The following UPP2 variants were observed in gnomAD, a reference collection of about 807,000 sequenced individuals.
UPP2 encodes the protein uridine phosphorylase 2, also known as UPase 2.
A neutral mutation model predicts 26.7 loss-of-function variants in UPP2; 23 were observed. That is an observed-to-expected ratio of 0.86 (90% CI 0.62 to 1.22). The LOEUF is 1.22. Among genes scored for constraint, UPP2 ranks in the 50% most tolerant of loss-of-function variants. The pLI, the probability that UPP2 is intolerant of heterozygous loss-of-function variation, is 0.00. For synonymous variants in UPP2, 127 were observed against 141.3 expected (o/e 0.90, Z 0.72); for missense variants, 387 against 396.7 (o/e 0.98, Z 0.21).
chr2:158,085,065 T>C (rs1256647708), intron 3 of UPP2, among the ~76,000 whole-genome samples: 1 of 152,054 alleles, frequency 6.6e-6, no homozygotes, highest in Non-Finnish European at 1.5e-5. Flanking sequence ...TGCAATGAGT[T>C]TGAAGATTGC....
At chr2:158,007,242 C>T (rs962387061) in intron 2 of UPP2, among the ~76,000 whole-genome samples, 28 of 152,156 alleles carry the variant, frequency 1.8e-4, no homozygotes, top group African/African-American at 6.0e-4. Flanking sequence ...ACTCAGTTGA[C>T]AAGTGAAAAA....
rs1046395476 is a variant in UPP2 at position 158,046,038 on chromosome 2, A to G, written c.147+30152A>G. ...CCCTATAGCCCCAGACATCACATTG[A>G]CAGAGAAGGAAAAGAAATAAGATTC... is the stretch of plus-strand genomic sequence containing the variant. On this transcript the variant is annotated intron_variant, in intron 3 of 9. Transcript: ENST00000605860. Among the ~76,000 whole-genome samples the G allele has an allele frequency of 8.5e-5, 13 of 152,344 alleles. No individual in the cohort carries two copies. In the South Asian group the frequency reaches 1.9e-3, roughly 22 times the overall value.
At chr2:158,024,428 T>G (rs1171275443) in intron 3 of UPP2, among the ~76,000 whole-genome samples, 1 of 152,194 alleles carries the variant, frequency 6.6e-6, no homozygotes, top group Admixed American at 6.5e-5. Context: ...GTCATTTAAT[T>G]TAATTAGCAG....
chr2:158,058,359 G>C (rs1489873591), intron 3 of UPP2, among the ~76,000 whole-genome samples: 1 of 86,010 alleles, frequency 1.2e-5, no homozygotes, highest in African/African-American at 5.8e-5. Context: ...GGGAGCAAGG[G>C]AGCATGCTTG....
At chr2:158,081,354 T>C (rs901469035) in intron 3 of UPP2, among the ~76,000 whole-genome samples, 5 of 152,162 alleles carry the variant, frequency 3.3e-5, no homozygotes, top group Admixed American at 6.6e-5. Context: ...AGTTAAAACA[T>C]TTTTTTCTAT....
chr2:158,096,201 T>G (rs374782471), intron 3 of UPP2, among the ~76,000 whole-genome samples: 4 of 152,184 alleles, frequency 2.6e-5, no homozygotes, highest in African/African-American at 9.7e-5. Flanking sequence ...AGGCTCGTGA[T>G]AAGAAAGGCC....
chr2:158,052,483 C>T (rs960722704), intron 3 of UPP2, among the ~76,000 whole-genome samples: 11 of 152,136 alleles, frequency 7.2e-5, no homozygotes, highest in Admixed American at 3.9e-4. Flanking sequence ...TGGAGTAAGG[C>T]CTACCATTCT....
intron 3 of UPP2, among the ~76,000 whole-genome samples, chr2:158,062,479 T>C (rs946698078): frequency 1.1e-4 from 17 of 151,664 alleles, no homozygotes; most frequent in African/African-American, 4.1e-4. Context: ...TAACCAGGGG[T>C]TTGCATCTTT....
chr2:158,073,935 G>A (rs1682585053), intron 3 of UPP2, among the ~76,000 whole-genome samples: 1 of 152,204 alleles, frequency 6.6e-6, no homozygotes, highest in Non-Finnish European at 1.5e-5. Context: ...AGCATTTTGG[G>A]AGACCAGTGC....
At chr2:158,058,628 A>AT (rs113563286) in intron 3 of UPP2, among the ~76,000 whole-genome samples, 1,800 of 151,930 alleles carry the variant, frequency 0.012, 31 homozygotes, top group Middle Eastern at 0.037. Context: ...AGTCTGTGGT[A>AT]TTTTTTTTAA....
intron 3 of UPP2, among the ~76,000 whole-genome samples, chr2:158,038,313 T>C (rs1427629492): frequency 1.3e-5 from 2 of 152,214 alleles, no homozygotes; most frequent in African/African-American, 4.8e-5. Flanking sequence ...TAAAGTGATG[T>C]GAGGCTGATT....
intron 3 of UPP2, among the ~76,000 whole-genome samples, chr2:158,090,943 T>G (rs1363861054): frequency 6.6e-6 from 1 of 152,064 alleles, no homozygotes; most frequent in Non-Finnish European, 1.5e-5. Context: ...AAGCCAAAAC[T>G]GGGAAACTCT....
intron 3 of UPP2, among the ~76,000 whole-genome samples, chr2:158,095,403 G>A (rs1197454757): frequency 6.6e-6 from 1 of 152,150 alleles, no homozygotes; most frequent in Non-Finnish European, 1.5e-5. Flanking sequence ...GTGGCAGAGA[G>A]ATGTTCCTTA....
At chr2:158,039,414 G>A (rs898782274) in intron 3 of UPP2, among the ~76,000 whole-genome samples, 1 of 152,188 alleles carries the variant, frequency 6.6e-6, no homozygotes, top group East Asian at 1.9e-4. Flanking sequence ...CTAAGTATCA[G>A]GCACTGTAGT....
intron 2 of UPP2, among the ~76,000 whole-genome samples, chr2:157,999,057 A>G (rs1683365643): frequency 1.3e-5 from 2 of 152,142 alleles, no homozygotes; most frequent in African/African-American, 4.8e-5. Flanking sequence ...AGTAGTTTCT[A>G]TTGACATGTC....
intron 2 of UPP2, among the ~76,000 whole-genome samples, chr2:158,014,837 A>G (rs1683635316): frequency 1.3e-5 from 2 of 152,200 alleles, no homozygotes; most frequent in Non-Finnish European, 2.9e-5. Flanking sequence ...GGTTCTAAGC[A>G]ACTCTTGAAT....
At chr2:158,004,551 AC>A (rs781632438) in intron 2 of UPP2, among the ~76,000 whole-genome samples, 4 of 152,342 alleles carry the variant, frequency 2.6e-5, no homozygotes, top group Non-Finnish European at 4.4e-5. Context: ...GTCTGCTGCG[AC>A]CAGTCACTAT....
Position 158,123,830 on chromosome 2 carries a change from G to A in UPP2, c.746G>A (p.Gly249Asp), listed in dbSNP as rs1313001761. ...TACTTGAAGAGAGCATTTAAAGCTG[G>A]TGTCAGGAATATTGAAATGGAATCT... is the stretch of plus-strand genomic sequence containing the variant. Reference protein sequence around the residue: ...LDYLKRAFKAGVRNIEMESTV... With the variant: ...LDYLKRAFKADVRNIEMESTV... The change falls in exon 6 of 7, where the codon GGT (glycine) becomes GAT (aspartate). Residue 249 changes from glycine (G) to aspartate (D), a missense_variant. Physicochemically the swap from Gly to Asp is moderately conservative, Grantham distance 94. Coordinates refer to ENST00000005756, the MANE Select transcript of UPP2 (RefSeq NM_173355.4). The A allele has an allele frequency of 2.5e-6, 4 of 1,614,092 alleles. No homozygotes were observed. Among genetic ancestry groups the A allele is most frequent in the Non-Finnish European group, 2.5e-6 (3 of 1,179,946 alleles).
Position 158,134,994 on chromosome 2 carries a change from C to A in UPP2, c.*104C>A. 7.6e-7 allele frequency: 1 copy of A among 1,309,118 alleles called. No homozygotes were observed. 81.1% of individuals were successfully genotyped at this position (1,309,118 alleles called of 1,614,324 possible). ...GGCATTTTTATATAGTTCTCATCCA[C>A]ATGCTAAATGGAAAGACTTTATGAA... On this transcript the variant is annotated 3_prime_UTR_variant, in exon 7 of 7. Coordinates refer to ENST00000005756, the MANE Select transcript of UPP2 (RefSeq NM_173355.4).
Sources: gnomAD v4.1 joint callset for allele counts (sites outside exome capture counted in the v4.1 genomes callset) on GRCh38, gnomAD v4.1.1 for gene constraint, MANE v1.5 for transcripts, NCBI Gene and HGNC (gene_info 2026-07-23, HGNC 2026-07-21) for gene names.